ATOH8: variants seen among roughly 807,000 people sequenced by gnomAD.
ATOH8 encodes the protein atonal bHLH transcription factor 8.
Under a neutral mutation model 21.2 loss-of-function variants are expected in ATOH8, and 9 were observed. The ratio of observed to expected loss-of-function variants is 0.42; its 90% CI spans 0.26 to 0.74. ATOH8 has a LOEUF of 0.74. Ranked by LOEUF, ATOH8 falls within the 30% of genes least tolerant of loss-of-function variation. The probability of loss-of-function intolerance (pLI) is 0.24; values close to 1 mark genes in which losing one functional copy is unlikely to be tolerated. For missense variants in ATOH8, 524 were observed against 470.9 expected, an observed-to-expected ratio of 1.11 and a Z score of -1.04; for synonymous variants, 253 against 224.0, an observed-to-expected ratio of 1.13 and a Z score of -1.16.
intron 2 of ATOH8, among the ~76,000 whole-genome samples, chr2:85,781,460 G>A (rs997535330): frequency 6.6e-6 from 1 of 152,086 alleles, no homozygotes; most frequent in Admixed American, 6.6e-5. Flanking sequence ...CTAGCTACTC[G>A]GGAGGCTGAG....
intron 1 of ATOH8, among the ~76,000 whole-genome samples, chr2:85,758,658 G>A (rs888387200): frequency 9.9e-5 from 15 of 152,234 alleles, no homozygotes; most frequent in South Asian, 2.1e-4. Flanking sequence ...CTGCAGGGCC[G>A]CAGGTGGGGA....
chr2:85,772,553 C>G, intron 2 of ATOH8: 1 of 373,354 alleles, frequency 2.7e-6, no homozygotes. Context: ...GGCAGCCCGC[C>G]CGGCCCTCTG....
intron 1 of ATOH8, among the ~76,000 whole-genome samples, chr2:85,758,713 T>TGGGTGGTGCAGGGC (rs1679784130): frequency 6.6e-6 from 1 of 152,182 alleles, no homozygotes; most frequent in Non-Finnish European, 1.5e-5. Context: ...TGGTCTGGGC[T>TGGGTGGTGCAGGGC]GGGTGGTGCA....
intron 2 of ATOH8, chr2:85,774,347 G>T (rs1290551037): frequency 1.6e-5 from 16 of 985,454 alleles, no homozygotes; most frequent in Non-Finnish European, 1.7e-5. Flanking sequence ...ACCTGGCACA[G>T]TGCGAGGCCT....
chr2:85,787,702 T>A lies in ATOH8; in HGVS notation c.*812T>A, dbSNP rs558419530. The A allele has an allele frequency of 2.0e-5, 3 of 153,154 alleles. No individual in the cohort carries two copies. The East Asian group carries it at 5.8e-4, about 29-fold the overall frequency. The allele number at this position is 153,154 out of a possible 1,614,324, so 9.5% of individuals were successfully genotyped here. A position where few individuals can be genotyped will look rare whatever the true frequency, so the allele number is the denominator to read the frequency against. Reference sequence around the variant, plus strand: ...TTCCCCAGCCAGCCTCTCCTCACTGTGACCCACCCCCATGGGCCCCCGTCC... The same window carrying A: ...TTCCCCAGCCAGCCTCTCCTCACTGAGACCCACCCCCATGGGCCCCCGTCC... On this transcript the variant is annotated 3_prime_UTR_variant, in exon 3 of 3. Transcript: ENST00000306279.
intron 2 of ATOH8, among the ~76,000 whole-genome samples, chr2:85,775,752 C>A (rs998829850): frequency 6.6e-6 from 1 of 152,170 alleles, no homozygotes; most frequent in Non-Finnish European, 1.5e-5. Flanking sequence ...TCCCCTCGAA[C>A]CCGAGAAAAA....
intron 2 of ATOH8, among the ~76,000 whole-genome samples, chr2:85,768,398 G>A (rs1680082782): frequency 6.6e-6 from 1 of 152,172 alleles, no homozygotes; most frequent in Admixed American, 6.5e-5. Flanking sequence ...GTAGAGGACT[G>A]CTGACAGGCC....
intron 1 of ATOH8, among the ~76,000 whole-genome samples, chr2:85,762,112 C>T (rs1226066405): frequency 6.6e-6 from 1 of 152,196 alleles, no homozygotes; most frequent in Non-Finnish European, 1.5e-5. Context: ...AACCATAATG[C>T]TTTCACAGAC....
chr2:85,783,237 A>C (rs1189036945), intron 2 of ATOH8, among the ~76,000 whole-genome samples: 4 of 152,150 alleles, frequency 2.6e-5, no homozygotes, highest in Non-Finnish European at 4.4e-5. Flanking sequence ...TCATCTAGTC[A>C]TTCTCAAGGT....
chr2:85,771,265 C>T (rs1680173957), intron 2 of ATOH8, among the ~76,000 whole-genome samples: 1 of 152,212 alleles, frequency 6.6e-6, no homozygotes. Context: ...CACTCTCGCT[C>T]TGTGGCCTTG....
chr2:85,764,330 GT>G (rs1679947526), intron 2 of ATOH8, 148 bp downstream of exon 2: 2 of 1,023,288 alleles, frequency 2.0e-6, no homozygotes, highest in Non-Finnish European at 2.8e-6. Context: ...CTCAGCTTCA[GT>G]GCTCCTCAAA....
At chr2:85,764,215 G>C (rs746254177) in intron 2 of ATOH8, 33 bp downstream of exon 2, 15 of 1,608,100 alleles carry the variant, frequency 9.3e-6, no homozygotes, top group Non-Finnish European at 1.2e-5. Flanking sequence ...GTAGCTTCTG[G>C]GGAGCATAGG....
intron 1 of ATOH8, among the ~76,000 whole-genome samples, chr2:85,762,291 A>C (rs1183877163): frequency 6.6e-6 from 1 of 152,234 alleles, no homozygotes. Flanking sequence ...AGTTGAATCC[A>C]CGTGACAAAA....
At chr2:85,765,403 G>A (rs550161874) in intron 2 of ATOH8, among the ~76,000 whole-genome samples, 1 of 152,214 alleles carries the variant, frequency 6.6e-6, no homozygotes, top group Non-Finnish European at 1.5e-5. Flanking sequence ...AGGGCTCCCC[G>A]CTGCCGCTGC....
chr2:85,780,014 C>T (rs984637271), intron 2 of ATOH8, among the ~76,000 whole-genome samples: 4 of 152,140 alleles, frequency 2.6e-5, no homozygotes, highest in Non-Finnish European at 5.9e-5. Context: ...TAAAGAGCTT[C>T]GGGAGTTCAG....
In ATOH8 at chr2:85,754,968, G is replaced by A. The variant is rs1327442121; in HGVS notation, c.768+11G>A. 1 of 1,578,726 alleles carries A rather than the reference G, an allele frequency of 6.3e-7. No individual in the cohort carries two copies. ...GCGCTCAGGAAGCAGGTACCCGCTC[G>A]CCGCCGCACGCCCTCACTGCGCCGG... On this transcript the variant is annotated intron_variant, in intron 1 of 2. Coordinates refer to ENST00000306279, the MANE Select transcript of ATOH8 (RefSeq NM_032827.7).
chr2:85,768,507 C>T (rs952593022), intron 2 of ATOH8, among the ~76,000 whole-genome samples: 1 of 152,194 alleles, frequency 6.6e-6, no homozygotes, highest in African/African-American at 2.4e-5. Context: ...TGGCAGTGGT[C>T]ATCGCTGGTG....
At chr2:85,783,598 A>G (rs948934759) in intron 2 of ATOH8, 1 of 152,302 alleles carries the variant, frequency 6.6e-6, no homozygotes, top group African/African-American at 2.4e-5. Context: ...AATAAAGGGC[A>G]TCTTCTGTGG....
At chr2:85,774,548 G>A in intron 2 of ATOH8, 1 of 985,508 alleles carries the variant, frequency 1.0e-6, no homozygotes, top group Non-Finnish European at 1.2e-6. Flanking sequence ...TGCCACCTCT[G>A]CCCAGAATTC....
Sources: allele counts gnomAD v4.1 joint callset (sites outside exome capture counted in the v4.1 genomes callset), GRCh38; gene constraint gnomAD v4.1.1; transcripts MANE v1.5; gene names NCBI Gene and HGNC (gene_info 2026-07-23, HGNC 2026-07-21).